Variants in FSTL4 observed in about 807,000 individuals in gnomAD.
FSTL4 encodes the protein follistatin-related protein 4.
FSTL4 carries 28 observed loss-of-function variants against 78.2 expected under a neutral mutation model. That is an observed-to-expected ratio of 0.36 (90% confidence interval 0.27 to 0.49). The LOEUF (loss-of-function observed/expected upper bound fraction) is 0.49, where lower values mean the gene tolerates loss of function less well. FSTL4 is among the 20% of genes least tolerant of loss of function. The pLI is 0.98. For missense variants in FSTL4, 922 were observed against 1,084.9 expected (o/e 0.85, Z 2.11); for synonymous variants, 422 against 440.5 (o/e 0.96, Z 0.53).
At chr5:133,445,749 G>T (rs2127006234) in intron 3 of FSTL4, among the ~76,000 whole-genome samples, 1 of 152,206 alleles carries the variant, frequency 6.6e-6, no homozygotes, top group African/African-American at 2.4e-5. Context: ...CTGTGTATTT[G>T]CCTGTCAGAG....
intron 3 of FSTL4, among the ~76,000 whole-genome samples, chr5:133,555,847 G>A (rs903363873): frequency 3.3e-5 from 5 of 152,194 alleles, no homozygotes; most frequent in Non-Finnish European, 7.3e-5. Flanking sequence ...AAGCAGCCAA[G>A]CAGCTGGATG....
the FSTL4 span, among the ~76,000 whole-genome samples, chr5:133,742,126 G>A: frequency 6.6e-6 from 1 of 152,180 alleles, no homozygotes; most frequent in Non-Finnish European, 1.5e-5. Context: ...TCTTACCCTT[G>A]GCGGGTCCAC....
At chr5:133,286,166 C>G (rs900732263) in intron 6 of FSTL4, among the ~76,000 whole-genome samples, 7 of 152,236 alleles carry the variant, frequency 4.6e-5, no homozygotes, top group Non-Finnish European at 1.0e-4. Flanking sequence ...CCCAACTCCA[C>G]CATTTACTGA....
At chr5:133,559,698 C>T (rs1405950817) in intron 3 of FSTL4, among the ~76,000 whole-genome samples, 1 of 152,216 alleles carries the variant, frequency 6.6e-6, no homozygotes, top group East Asian at 1.9e-4. Flanking sequence ...GGTTCATTAT[C>T]CTGCCCACAC....
intron 2 of FSTL4, among the ~76,000 whole-genome samples, chr5:133,591,744 C>A (rs1174034794): frequency 6.6e-6 from 1 of 152,032 alleles, no homozygotes; most frequent in Non-Finnish European, 1.5e-5. Context: ...TCTGGAAAGA[C>A]CAGTCTCTGG....
At chr5:133,399,220 G>A (rs1045732033) in intron 4 of FSTL4, among the ~76,000 whole-genome samples, 7 of 152,180 alleles carry the variant, frequency 4.6e-5, no homozygotes, top group Non-Finnish European at 8.8e-5. Flanking sequence ...CAATAAAGCT[G>A]GAGCAACTGG....
Position 133,249,510 on chromosome 5 carries a change from C to G in FSTL4, c.794G>C (p.Ser265Thr). Residue 265 changes from serine (S) to threonine (T), a missense_variant, in exon 7 of 16, where the codon AGC becomes ACC. Transcript: ENST00000265342. Reference sequence around the variant, plus strand: ...ATGGACGGCGCAGGTCAGCACTGTGCTCAGCCCCACGGTCACTGTGGTCAC... The same window carrying G: ...ATGGACGGCGCAGGTCAGCACTGTGGTCAGCCCCACGGTCACTGTGGTCAC... ...VSVTTVTVGLSTVLTCAVHGD... is the reference protein window; with the variant it reads ...VSVTTVTVGLTTVLTCAVHGD... The G allele has an allele frequency of 6.2e-7, 1 of 1,613,620 alleles. No homozygotes were observed. Among genetic ancestry groups the G allele is most frequent in the African/African-American group, 1.3e-5 (1 of 75,048 alleles).
In FSTL4 at chr5:133,386,178, G is replaced by A. The variant is rs542200286; in HGVS notation, c.409+14560C>T. ...AAAGTGCACAGAATGCTCAGCCTTG[G>A]ACCTGGCATGTCACATGGGCTCTTT... On this transcript the variant is annotated intron_variant, in intron 4 of 15. Transcript: ENST00000265342. Among the ~76,000 whole-genome samples, 6 of 152,260 alleles carry A rather than the reference G, an allele frequency of 3.9e-5. No individual in the cohort carries two copies. In the South Asian group the frequency reaches 1.0e-3, roughly 26 times the overall value.
the FSTL4 span, among the ~76,000 whole-genome samples, chr5:133,635,041 G>A: frequency 6.6e-6 from 1 of 151,452 alleles, no homozygotes; most frequent in African/African-American, 2.4e-5. Flanking sequence ...TCCTCTACTT[G>A]GCATTTTATT....
chr5:133,792,280 T>C, the FSTL4 span, among the ~76,000 whole-genome samples: 5 of 152,106 alleles, frequency 3.3e-5, no homozygotes, highest in African/African-American at 1.2e-4. Context: ...AAAAATACTG[T>C]GCATTCAGGA....
chr5:133,690,207 A>G, the FSTL4 span, among the ~76,000 whole-genome samples: 3 of 152,096 alleles, frequency 2.0e-5, no homozygotes, highest in Non-Finnish European at 4.4e-5. Flanking sequence ...GTCACCTAAA[A>G]TGACCCCCTC....
At chr5:133,733,483 T>G in the FSTL4 span, among the ~76,000 whole-genome samples, 3 of 152,204 alleles carry the variant, frequency 2.0e-5, no homozygotes, top group African/African-American at 7.2e-5. Context: ...TAGAGCAAAC[T>G]TCCATTTTCA....
chr5:133,483,050 A>G (rs2112860204), intron 3 of FSTL4, among the ~76,000 whole-genome samples: 1 of 152,266 alleles, frequency 6.6e-6, no homozygotes, highest in Non-Finnish European at 1.5e-5. Flanking sequence ...AGTGGGAGGT[A>G]ACTGAATCAT....
intron 3 of FSTL4, among the ~76,000 whole-genome samples, chr5:133,418,548 A>G (rs1291642609): frequency 6.6e-6 from 1 of 152,236 alleles, no homozygotes; most frequent in Non-Finnish European, 1.5e-5. Context: ...GGTTATAGAA[A>G]TAAGGAAATA....
At chr5:133,301,412 T>C (rs1753535917) in intron 6 of FSTL4, among the ~76,000 whole-genome samples, 1 of 152,120 alleles carries the variant, frequency 6.6e-6, no homozygotes, top group Non-Finnish European at 1.5e-5. Context: ...CCTGCAGTGT[T>C]TGCTGGGAAG....
chr5:133,331,584 G>A (rs1483423488), intron 4 of FSTL4, among the ~76,000 whole-genome samples: 1 of 152,112 alleles, frequency 6.6e-6, no homozygotes, highest in African/African-American at 2.4e-5. Flanking sequence ...CTATAAGCCG[G>A]CGATACGTGC....
At chr5:133,570,963 G>C (rs1422801423) in intron 2 of FSTL4, among the ~76,000 whole-genome samples, 1 of 151,968 alleles carries the variant, frequency 6.6e-6, no homozygotes, top group East Asian at 1.9e-4. Context: ...AGAAAATGAG[G>C]GTCAGAAACC....
chr5:133,299,947 G>A lies in FSTL4; in HGVS notation c.727+12707C>T, dbSNP rs77241352. Among the ~76,000 whole-genome samples the A allele has an allele frequency of 3.7e-3, 563 of 152,302 alleles. 4 individuals carry two copies. Among genetic ancestry groups the A allele is most frequent in the African/African-American group, 1.0e-2 (415 of 41,562 alleles). ...GCCTCCAGGGCTGCCTTTAAGGTGT[G>A]GCCACTATTGCTCCTTTTCCAAAGC... On this transcript the variant is annotated intron_variant, in intron 6 of 15. Transcript: ENST00000265342.
chr5:133,468,937 A>C (rs929254935), intron 3 of FSTL4, among the ~76,000 whole-genome samples: 4 of 152,232 alleles, frequency 2.6e-5, no homozygotes, highest in Non-Finnish European at 5.9e-5. Context: ...AGGAATCATG[A>C]AACTTTCTTG....
Sources: gnomAD v4.1 joint callset for allele counts (sites outside exome capture counted in the v4.1 genomes callset) on GRCh38, gnomAD v4.1.1 for gene constraint, MANE v1.5 for transcripts, NCBI Gene and HGNC (gene_info 2026-07-23, HGNC 2026-07-21) for gene names.